PPFIA3: variants seen among roughly 807,000 people sequenced by gnomAD.
The protein encoded by PPFIA3 is liprin-alpha-3.
In PPFIA3, 26 loss-of-function variants were observed where a neutral mutation model predicts 145.8. The ratio of observed to expected loss-of-function variants is 0.18; its 90% CI spans 0.13 to 0.25. The LOEUF (loss-of-function observed/expected upper bound fraction) is 0.25, where lower values mean the gene tolerates loss of function less well. PPFIA3 is among the 10% of genes least tolerant of loss of function. PPFIA3 has a pLI of 1.00. For synonymous variants in PPFIA3, 645 were observed against 661.4 expected (o/e 0.98, Z 0.38); for missense variants, 1,008 against 1,587.8 (o/e 0.63, Z 6.21).
At chr19:49,146,302 A>C in intron 23 of PPFIA3, 110 bp downstream of exon 23, 10 of 1,341,556 alleles carry the variant, frequency 7.5e-6, no homozygotes, top group South Asian at 1.4e-5. Flanking sequence ...CATCATCCCC[A>C]TGGGGGGGCG....
Position 49,149,311 on chromosome 19 carries a change from A to C in PPFIA3, c.3340A>C (p.Arg1114=). 6.2e-7 allele frequency: 1 copy of C among 1,614,112 alleles called. No homozygotes were observed. Among genetic ancestry groups the C allele is most frequent in the Non-Finnish European group, 8.5e-7 (1 of 1,180,032 alleles). ...CAACCTTATCTCCTTAGGCACAGAC[A>C]GGCGGCTGGACGAGGTGGGCGCGGC... ...FSNLISLGTD[R]RLDEDSAKSF... Residue 1114 remains arginine (R), a synonymous_variant, in exon 27 of 30, where the codon AGG becomes CGG. Coordinates refer to ENST00000334186, the MANE Select transcript of PPFIA3 (RefSeq NM_003660.4). This position sits in a 1 kb window ranked among gnomAD's most constrained non-coding sequence, Gnocchi z 5.7.
At chr19:49,145,584 A>AC (rs11391183) in intron 21 of PPFIA3, 17,041 of 273,734 alleles carry the variant, frequency 0.062, 687 homozygotes, top group East Asian at 0.16. Context: ...ATAAATGTGA[A>AC]CCCCCCCCGC....
At chr19:49,136,272 G>T (rs2041136244) in intron 14 of PPFIA3, among the ~76,000 whole-genome samples, 1 of 152,070 alleles carries the variant, frequency 6.6e-6, no homozygotes, top group Non-Finnish European at 1.5e-5. Context: ...AGAGGATTTG[G>T]GGAGGGATCA....
chr19:49,131,860 A>T (rs2041076582), intron 7 of PPFIA3, among the ~76,000 whole-genome samples: 1 of 151,812 alleles, frequency 6.6e-6, no homozygotes, highest in African/African-American at 2.4e-5. Context: ...AATACAAAAA[A>T]TTAGCCGGGC....
At chr19:49,142,013 C>G (rs1231462432) in intron 19 of PPFIA3, 21 bp from the exon 20 acceptor site, 2 of 1,552,618 alleles carry the variant, frequency 1.3e-6, no homozygotes, top group Non-Finnish European at 1.7e-6. Flanking sequence ...AGCTTCTATC[C>G]TGGCCCCTTC....
intron 23 of PPFIA3, among the ~76,000 whole-genome samples, chr19:49,147,547 C>T (rs1276465553): frequency 3.3e-5 from 5 of 151,776 alleles, no homozygotes; most frequent in Admixed American, 2.6e-4. Context: ...ATTAGCCGGG[C>T]GTGGTGGCTC....
chr19:49,146,240 A>G (rs564163439), intron 23 of PPFIA3, 48 bp downstream of exon 23: 2 of 1,601,732 alleles, frequency 1.2e-6, no homozygotes, highest in Admixed American at 1.7e-5. Context: ...GCTGTGCACG[A>G]CGCATGGATG....
Position 49,150,063 on chromosome 19 carries a change from G to T in PPFIA3, c.3527-17G>T. ...GGAGGGTGCTCCAGGCTGAACCGCT[G>T]CTCGCTCTCCCTCCAGGCCAGACTT... On this transcript the variant is annotated splice_polypyrimidine_tract_variant and intron_variant, in intron 28 of 29. Coordinates refer to ENST00000334186, the MANE Select transcript of PPFIA3 (RefSeq NM_003660.4). 6.2e-7 allele frequency: 1 copy of T among 1,603,746 alleles called. No homozygotes were observed. The highest frequency in any genetic ancestry group is 8.5e-7 in the Non-Finnish European group (1 of 1,175,750).
At position 49,139,747 on chromosome 19, in the gene PPFIA3, C is replaced by T; in HGVS notation, c.2156C>T (p.Pro719Leu). ...CCAGGAGACACCCCACCACCCACTC[C>T]CCGCTCTGCCCGTCTTGAGAGAATG... ...AIPGDTPPPTPRSARLERMTQ... is the reference protein window; with the variant it reads ...AIPGDTPPPTLRSARLERMTQ... Residue 719 changes from proline to leucine, a missense_variant, in exon 17 of 30, where the codon CCC becomes CTC. Physicochemically the swap from Pro to Leu is moderately conservative, Grantham distance 98. Around this residue, in one of 11 missense-constraint regions of PPFIA3, gnomAD observed 202 missense variants for 241.8 expected, o/e 0.84. Coordinates refer to ENST00000334186, the MANE Select transcript of PPFIA3 (RefSeq NM_003660.4). 1.2e-6 allele frequency: 2 copies of T among 1,614,000 alleles called. No individual in the cohort carries two copies. The highest frequency in any genetic ancestry group is 1.7e-6 in the Non-Finnish European group (2 of 1,179,908).
rs1361343837 is a variant in PPFIA3 at position 49,142,923 on chromosome 19, G to T, written c.2664G>T (p.Pro888=). Residue 888 remains proline (P), a synonymous_variant, in exon 21 of 30, where the codon CCG becomes CCT. Coordinates refer to ENST00000334186, the MANE Select transcript of PPFIA3 (RefSeq NM_003660.4). ...EIQREIGISN[P]LHRLKLRLAI... ...AGCGCGAGATCGGCATCAGCAACCCGCTGCACCGACTCAAGCTACGCCTCG... is the reference window on the plus strand; with the variant it reads ...AGCGCGAGATCGGCATCAGCAACCCTCTGCACCGACTCAAGCTACGCCTCG... 3 of 1,613,628 alleles carry T rather than the reference G, an allele frequency of 1.9e-6. No homozygotes were observed. The highest frequency in any genetic ancestry group is 2.5e-6 in the Non-Finnish European group (3 of 1,180,016).
At chr19:49,146,451 C>T (rs1347833677) in intron 23 of PPFIA3, 1 of 574,162 alleles carries the variant, frequency 1.7e-6, no homozygotes, top group Non-Finnish European at 3.1e-6. Flanking sequence ...TGTGGGGGCT[C>T]TAAGGGGCTT....
At chr19:49,132,830 G>T (rs2041091420) in intron 7 of PPFIA3, among the ~76,000 whole-genome samples, 171 bp from the exon 8 acceptor site, 1 of 152,100 alleles carries the variant, frequency 6.6e-6, no homozygotes, top group African/African-American at 2.4e-5. Context: ...ATTTTAACTC[G>T]CAGGTAGGTG....
At position 49,128,536 on chromosome 19, in the gene PPFIA3, CCT is replaced by C. The variant is rs889647439; in HGVS notation, c.342+72_342+73del. On this transcript the variant is annotated intron_variant, in intron 3 of 29. Transcript: ENST00000334186. This position sits in a 1 kb window ranked among gnomAD's most constrained non-coding sequence, Gnocchi z 4.1. ...CGTGGTGTTGAAGTGGGGGGCGGGG[CCT>C]CTCAGTGTTGCAGCGTGACCTATTT... The C allele has an allele frequency of 4.3e-6, 6 of 1,408,162 alleles. No individual in the cohort carries two copies. Among genetic ancestry groups the C allele is most frequent in the South Asian group, 1.2e-5 (1 of 85,554 alleles). 87.2% of individuals were successfully genotyped at this position (1,408,162 alleles called of 1,614,324 possible).
Position 49,148,483 on chromosome 19 carries a change from C to A in PPFIA3, c.3012-183C>A, listed in dbSNP as rs2041304569. Reference sequence around the variant, plus strand: ...TAGTTAACCCTGGACCCCTTCCAGGCTGGCCAGTAGGAAGTGCCTATTATT... The same window carrying A: ...TAGTTAACCCTGGACCCCTTCCAGGATGGCCAGTAGGAAGTGCCTATTATT... On this transcript the variant is annotated intron_variant, in intron 24 of 29. Transcript: ENST00000334186. 4 of 724,290 alleles carry A rather than the reference C, an allele frequency of 5.5e-6. No homozygotes were observed. The South Asian group carries it at 5.7e-5, about 10-fold the overall frequency. The allele number at this position is 724,290 out of a possible 1,614,324, so 44.9% of individuals were successfully genotyped here.
chr19:49,150,396 G>C lies in PPFIA3; in HGVS notation c.*174G>C. The C allele has an allele frequency of 4.5e-6, 2 of 447,994 alleles. No homozygotes were observed. Among genetic ancestry groups the C allele is most frequent in the Non-Finnish European group, 8.1e-6 (2 of 247,964 alleles). The allele number at this position is 447,994 out of a possible 1,614,324, so 27.8% of individuals were successfully genotyped here. A position where few individuals can be genotyped will look rare whatever the true frequency, so the allele number is the denominator to read the frequency against. ...GCGCGCGCCCGCCTCGCACAGGGCC[G>C]GGGCCTGGACCAAACCACATGAACT... On this transcript the variant is annotated 3_prime_UTR_variant, in exon 30 of 30. Coordinates refer to ENST00000334186, the MANE Select transcript of PPFIA3 (RefSeq NM_003660.4).
At position 49,148,362 on chromosome 19, in the gene PPFIA3, C is replaced by T. The variant is rs114623322; in HGVS notation, c.3011+104C>T. 2,280 of 1,275,748 alleles carry T rather than the reference C, an allele frequency of 1.8e-3. 36 individuals are homozygous for T. In the African/African-American group the frequency reaches 0.029, roughly 16 times the overall value. The allele number at this position is 1,275,748 out of a possible 1,614,324, so 79.0% of individuals were successfully genotyped here. A position where few individuals can be genotyped will look rare whatever the true frequency, so the allele number is the denominator to read the frequency against. ...TGGGAGATTCCCAGGCTTATCTTGG[C>T]CCTTTTAGCCTGAGTTCTCAGGAAA... is the stretch of plus-strand genomic sequence containing the variant. On this transcript the variant is annotated intron_variant, in intron 24 of 29. Coordinates refer to ENST00000334186, the MANE Select transcript of PPFIA3 (RefSeq NM_003660.4).
chr19:49,123,884 C>G (rs965092667), intron 1 of PPFIA3, among the ~76,000 whole-genome samples: 2 of 152,168 alleles, frequency 1.3e-5, no homozygotes, highest in Non-Finnish European at 2.9e-5. Context: ...CCTGGTGGAT[C>G]GTGGGTTTTC....
At chr19:49,141,937 A>AGGTG (rs2041229132) in intron 19 of PPFIA3, 97 bp from the exon 20 acceptor site, 1 of 693,502 alleles carries the variant, frequency 1.4e-6, no homozygotes, top group African/African-American at 1.9e-5. Flanking sequence ...GCGTATGTGC[A>AGGTG]TGTGTGTGTG....
In PPFIA3 at chr19:49,149,686, C is replaced by T; in HGVS notation, c.3494C>T (p.Pro1165Leu). Residue 1165 changes from proline to leucine, a missense_variant, in exon 28 of 30, where the codon CCG becomes CTG. By Grantham distance (98) the Pro-to-Leu change is moderately conservative. Coordinates refer to ENST00000334186, the MANE Select transcript of PPFIA3 (RefSeq NM_003660.4). This position sits in a 1 kb window ranked among gnomAD's most constrained non-coding sequence, Gnocchi z 5.7. ...RSAAAGALGS[P>L]GLPLRKLQPE... Reference sequence around the variant, plus strand: ...GCTGCAGCGGGAGCCCTGGGCTCTCCGGGGCTCCCTCTCCGCAAGCTGCAG... The same window carrying T: ...GCTGCAGCGGGAGCCCTGGGCTCTCTGGGGCTCCCTCTCCGCAAGCTGCAG... 1.2e-6 allele frequency: 2 copies of T among 1,612,878 alleles called. No individual in the cohort carries two copies. Among genetic ancestry groups the T allele is most frequent in the Non-Finnish European group, 1.7e-6 (2 of 1,179,390 alleles).
Sources: gnomAD v4.1 joint callset for allele counts (sites outside exome capture counted in the v4.1 genomes callset) on GRCh38, gnomAD v4.1.1 for gene constraint, gnomAD v4.1.1 regional missense constraint, Gnocchi (gnomAD v3.1) non-coding constraint, MANE v1.5 for transcripts, NCBI Gene and HGNC (gene_info 2026-07-23, HGNC 2026-07-21) for gene names.